Variants in STRAP observed in about 807,000 individuals in gnomAD.
STRAP encodes serine-threonine kinase receptor-associated protein.
In STRAP, 16 loss-of-function variants were observed where a neutral mutation model predicts 47.0. The ratio of observed to expected loss-of-function variants is 0.34; its 90% CI spans 0.23 to 0.52. The LOEUF is 0.52. Ranked by LOEUF, STRAP falls within the 20% of genes least tolerant of loss-of-function variation. The pLI is 0.96. For synonymous variants in STRAP, 130 were observed against 142.7 expected (o/e 0.91, Z 0.63); for missense variants, 293 against 420.0 (o/e 0.70, Z 2.64).
chr12:15,902,685 T>C (rs941635437), intron 9 of STRAP, among the ~76,000 whole-genome samples: 1 of 152,182 alleles, frequency 6.6e-6, no homozygotes, highest in Non-Finnish European at 1.5e-5. Flanking sequence ...GGTTGAGTTA[T>C]GGTGTAAGAG....
chr12:15,902,885 CTTTTTTTT>C, intron 9 of STRAP, 24 bp from the exon 10 acceptor site: 3 of 1,099,884 alleles, frequency 2.7e-6, no homozygotes, highest in South Asian at 1.9e-5. Context: ...ACTAATGTGA[CTTTTTTTT>C]TTTTTTTTTT....
chr12:15,887,466 T>C lies in STRAP; in HGVS notation c.249-2462T>C, dbSNP rs747061026. Among the ~76,000 whole-genome samples the C allele has an allele frequency of 2.6e-5, 4 of 152,214 alleles. No homozygotes were observed. Among genetic ancestry groups the C allele is most frequent in the African/African-American group, 4.8e-5 (2 of 41,446 alleles). Reference sequence around the variant, plus strand: ...TGGCCAACTAATATATGTCAATTTCTTGCCTGGAGATTGAATAATACATTA... The same window carrying C: ...TGGCCAACTAATATATGTCAATTTCCTGCCTGGAGATTGAATAATACATTA... On this transcript the variant is annotated intron_variant, in intron 2 of 9. Coordinates refer to ENST00000419869, the MANE Select transcript of STRAP (RefSeq NM_007178.4). The surrounding 1 kb of genome is among the most constrained non-coding windows in gnomAD (Gnocchi z 5.5).
At chr12:15,884,232 T>G (rs1277503036) in intron 2 of STRAP, among the ~76,000 whole-genome samples, 1 of 152,238 alleles carries the variant, frequency 6.6e-6, no homozygotes, top group Non-Finnish European at 1.5e-5. Flanking sequence ...GCGGGATGTC[T>G]CCTGACTCCA....
At position 15,890,503 on chromosome 12, in the gene STRAP, T is replaced by G; in HGVS notation, c.331-94T>G. ...TCTTGGCATCTCTTTGTGATGTCTGTGAGCTAGATTTTGATTTTATTTGGT... is the reference window on the plus strand; with the variant it reads ...TCTTGGCATCTCTTTGTGATGTCTGGGAGCTAGATTTTGATTTTATTTGGT... On this transcript the variant is annotated intron_variant, in intron 3 of 9. Coordinates refer to ENST00000419869, the MANE Select transcript of STRAP (RefSeq NM_007178.4). The surrounding 1 kb of genome is among the most constrained non-coding windows in gnomAD (Gnocchi z 4.5). 9 of 1,039,382 alleles carry G rather than the reference T, an allele frequency of 8.7e-6. No homozygotes were observed. The highest frequency in any genetic ancestry group is 1.6e-5 in the African/African-American group (1 of 61,728). 64.4% of individuals were successfully genotyped at this position (1,039,382 alleles called of 1,614,324 possible).
At chr12:15,882,931 A>G in intron 1 of STRAP, 112 bp downstream of exon 1, 1 of 1,347,500 alleles carries the variant, frequency 7.4e-7, no homozygotes, top group Non-Finnish European at 1.0e-6. Context: ...AGGGGGCGAT[A>G]TTAACATCTG....
At chr12:15,897,588 A>T (rs1948070761) in intron 6 of STRAP, among the ~76,000 whole-genome samples, 1 of 152,174 alleles carries the variant, frequency 6.6e-6, no homozygotes, top group African/African-American at 2.4e-5. Flanking sequence ...TGTATTATTC[A>T]TACTGTTTTA....
rs1349821087 is a variant in STRAP at position 15,895,344 on chromosome 12, A to G, written c.501-15A>G. On this transcript the variant is annotated splice_polypyrimidine_tract_variant and intron_variant, in intron 5 of 9. Transcript: ENST00000419869. Reference sequence around the variant, plus strand: ...TTACATGAGTAAACATCATATTTTTATCTTTATTTTGCAGACTTTGGGATC... The same window carrying G: ...TTACATGAGTAAACATCATATTTTTGTCTTTATTTTGCAGACTTTGGGATC... The G allele has an allele frequency of 6.6e-7, 1 of 1,513,140 alleles. No individual in the cohort carries two copies. The highest frequency in any genetic ancestry group is 2.5e-5 in the East Asian group (1 of 40,556). The allele number at this position is 1,513,140 out of a possible 1,614,324, so 93.7% of individuals were successfully genotyped here.
chr12:15,882,863 C>A, intron 1 of STRAP, 44 bp downstream of exon 1: 1 of 1,570,910 alleles, frequency 6.4e-7, no homozygotes, highest in Non-Finnish European at 8.7e-7. Flanking sequence ...TGGGACTGGG[C>A]TGAAAGGGAT....
intron 2 of STRAP, among the ~76,000 whole-genome samples, chr12:15,884,812 T>C (rs1947955412): frequency 6.6e-6 from 1 of 152,210 alleles, no homozygotes; most frequent in South Asian, 2.1e-4. Flanking sequence ...ATAGAATTGC[T>C]GACCTAAAGG....
intron 7 of STRAP, among the ~76,000 whole-genome samples, chr12:15,899,664 G>C (rs1428492605): frequency 6.6e-6 from 1 of 152,058 alleles, no homozygotes; most frequent in African/African-American, 2.4e-5. Context: ...AGCCTCATTT[G>C]CTTTTTTTAG....
At chr12:15,899,725 T>TA (rs760593105) in intron 7 of STRAP, among the ~76,000 whole-genome samples, 179 bp from the exon 8 acceptor site, 8 of 152,216 alleles carry the variant, frequency 5.3e-5, no homozygotes, top group Non-Finnish European at 8.8e-5. Flanking sequence ...GGAATAATCT[T>TA]ACAGAGAAAG....
chr12:15,885,410 A>G (rs1947962156), intron 2 of STRAP, among the ~76,000 whole-genome samples: 1 of 151,570 alleles, frequency 6.6e-6, no homozygotes, highest in Non-Finnish European at 1.5e-5. Flanking sequence ...GCCGGTCTCG[A>G]ACTCCTGACC....
chr12:15,888,994 G>T (rs912647071), intron 2 of STRAP, among the ~76,000 whole-genome samples: 1 of 151,908 alleles, frequency 6.6e-6, no homozygotes, highest in African/African-American at 2.4e-5. Flanking sequence ...AAAATAAATA[G>T]CAGTTGCATT....
Position 15,882,638 on chromosome 12 carries a change from T to A in STRAP, c.-70T>A. 1.5e-6 allele frequency: 2 copies of A among 1,366,408 alleles called. No homozygotes were observed. Among genetic ancestry groups the A allele is most frequent in the Non-Finnish European group, 2.0e-6 (2 of 986,136 alleles). The allele number at this position is 1,366,408 out of a possible 1,614,324, so 84.6% of individuals were successfully genotyped here. A position where few individuals can be genotyped will look rare whatever the true frequency, so the allele number is the denominator to read the frequency against. ...GGGGGCCTGGAGCAGCCCGAGGCAC[T>A]GCAGCAGAAGAGAGAAAAGACAACG... On this transcript the variant is annotated 5_prime_UTR_variant, in exon 1 of 10. Transcript: ENST00000419869.
Position 15,890,392 on chromosome 12 carries a change from C to T in STRAP, c.331-205C>T, listed in dbSNP as rs965021978. Among the ~76,000 whole-genome samples, 2 of 152,020 alleles carry T rather than the reference C, an allele frequency of 1.3e-5. No individual in the cohort carries two copies. The highest frequency in any genetic ancestry group is 2.1e-4 in the South Asian group (1 of 4,822). On this transcript the variant is annotated intron_variant, in intron 3 of 9. Transcript: ENST00000419869. The surrounding 1 kb of genome is among the most constrained non-coding windows in gnomAD (Gnocchi z 4.5). ...TTCATGTATATGTAGTGTAGTGTAA[C>T]GCTTTTGAAGTGGAAAGCTTACAAG...
In STRAP at chr12:15,890,611, G is replaced by A; in HGVS notation, c.345G>A (p.Leu115=). ...TVDFTQDSNY[L]LTGGQDKLLR... is the part of the protein sequence containing the mutation. The stretch of plus-strand genomic sequence containing the variant: ...TGTGTTTTCAGGATAGTAATTATTT[G>A]TTAACCGGGGGACAGGATAAACTGT... Residue 115 remains leucine (L), a synonymous_variant, in exon 4 of 10, where the codon TTG becomes TTA. Transcript: ENST00000419869. The surrounding 1 kb of genome is among the most constrained non-coding windows in gnomAD (Gnocchi z 4.5). The A allele has an allele frequency of 1.2e-6, 2 of 1,611,216 alleles. No individual in the cohort carries two copies. The highest frequency in any genetic ancestry group is 1.7e-6 in the Non-Finnish European group (2 of 1,178,930).
In STRAP at chr12:15,890,466, T is replaced by C; in HGVS notation, c.331-131T>C. ...CTGTTCCACAGTATCTTCTCAGAAG[T>C]AATTGGTTATGTCTTGGCATCTCTT... On this transcript the variant is annotated intron_variant, in intron 3 of 9. Transcript: ENST00000419869. This position sits in a 1 kb window ranked among gnomAD's most constrained non-coding sequence, Gnocchi z 4.5. 1 of 744,712 alleles carries C rather than the reference T, an allele frequency of 1.3e-6. No individual in the cohort carries two copies. Among genetic ancestry groups the C allele is most frequent in the South Asian group, 1.6e-5 (1 of 61,298 alleles). The allele number at this position is 744,712 out of a possible 1,614,324, so 46.1% of individuals were successfully genotyped here.
At position 15,890,130 on chromosome 12, in the gene STRAP, T is replaced by C; in HGVS notation, c.330+121T>C. 1 of 918,490 alleles carries C rather than the reference T, an allele frequency of 1.1e-6. No individual in the cohort carries two copies. Among genetic ancestry groups the C allele is most frequent in the Non-Finnish European group, 1.7e-6 (1 of 590,440 alleles). 56.9% of individuals were successfully genotyped at this position (918,490 alleles called of 1,614,324 possible). A position where few individuals can be genotyped will look rare whatever the true frequency, so the allele number is the denominator to read the frequency against. On this transcript the variant is annotated intron_variant, in intron 3 of 9. Coordinates refer to ENST00000419869, the MANE Select transcript of STRAP (RefSeq NM_007178.4). This position sits in a 1 kb window ranked among gnomAD's most constrained non-coding sequence, Gnocchi z 4.5. The stretch of plus-strand genomic sequence containing the variant: ...TGTTTTGTGTGGAATATTTGTTATT[T>C]CTTGGTTCATATTTGATTTGATTGT...
rs1371412167 is a variant in STRAP, at chr12:15,894,439, A to G, written c.500+296A>G. Among the ~76,000 whole-genome samples the G allele has an allele frequency of 6.6e-6, 1 of 152,260 alleles. No individual in the cohort carries two copies. The highest frequency in any genetic ancestry group is 1.5e-5 in the Non-Finnish European group (1 of 68,046). On this transcript the variant is annotated intron_variant, in intron 5 of 9. Transcript: ENST00000419869. The surrounding 1 kb of genome is among the most constrained non-coding windows in gnomAD (Gnocchi z 4.9). Reference sequence around the variant, plus strand: ...GTGCCATTGCACTCTAGCCTGGGCGACAGAGCTAGACTGTCTCAAAAGAAA... The same window carrying G: ...GTGCCATTGCACTCTAGCCTGGGCGGCAGAGCTAGACTGTCTCAAAAGAAA...
Sources: allele counts gnomAD v4.1 joint callset (sites outside exome capture counted in the v4.1 genomes callset), GRCh38; gene constraint gnomAD v4.1.1; non-coding constraint Gnocchi (gnomAD v3.1); transcripts MANE v1.5; gene names NCBI Gene and HGNC (gene_info 2026-07-23, HGNC 2026-07-21).